VWA8: variants seen among roughly 807,000 people sequenced by gnomAD.
The protein encoded by VWA8 is von Willebrand factor A domain containing 8.
In VWA8, 221 loss-of-function variants were observed where a neutral mutation model predicts 241.5. The ratio of observed to expected loss-of-function variants is 0.91; its 90% CI spans 0.82 to 1.02. The LOEUF (loss-of-function observed/expected upper bound fraction) is 1.02, where lower values mean the gene tolerates loss of function less well. Among genes scored for constraint, VWA8 ranks in the 50% least tolerant of loss-of-function variants. The probability of loss-of-function intolerance (pLI) is 0.00; values close to 1 mark genes in which losing one functional copy is unlikely to be tolerated. For missense variants in VWA8, 2,322 were observed against 2,328.7 expected (o/e 1.00, Z 0.06); for synonymous variants, 852 against 827.1 (o/e 1.03, Z -0.52).
chr13:41,883,731 A>G (rs577175941), intron 8 of VWA8, among the ~76,000 whole-genome samples: 48 of 152,032 alleles, frequency 3.2e-4, no homozygotes, highest in Non-Finnish European at 5.9e-4. Context: ...TGGCTCCCAC[A>G]CTTCTATGTC....
chr13:41,753,078 G>A (rs1207363392), intron 21 of VWA8, among the ~76,000 whole-genome samples: 1 of 152,114 alleles, frequency 6.6e-6, no homozygotes, highest in Non-Finnish European at 1.5e-5. Flanking sequence ...AATAAAGAAG[G>A]CATGCATACA....
chr13:41,866,180 T>G (rs1873292963), intron 10 of VWA8, 144 bp from the exon 11 acceptor site: 3 of 1,055,162 alleles, frequency 2.8e-6, no homozygotes, highest in Non-Finnish European at 4.0e-6. Context: ...AAACCCCATC[T>G]CTACAAAAAT....
intron 21 of VWA8, among the ~76,000 whole-genome samples, chr13:41,739,852 T>G (rs2045554986): frequency 5.1e-5 from 3 of 58,652 alleles, no homozygotes; most frequent in East Asian, 5.1e-4. Flanking sequence ...TTTTTTGTTT[T>G]TTTTGTTTTT....
At chr13:41,956,134 G>A (rs963649270) in intron 1 of VWA8, among the ~76,000 whole-genome samples, 3 of 152,236 alleles carry the variant, frequency 2.0e-5, no homozygotes, top group South Asian at 2.1e-4. Flanking sequence ...GAACATTTTG[G>A]GCCAGATAAT....
chr13:41,573,383 A>C (rs1241920753), intron 43 of VWA8, among the ~76,000 whole-genome samples: 1 of 149,206 alleles, frequency 6.7e-6, no homozygotes, highest in East Asian at 2.0e-4. Flanking sequence ...GTGCCACTGC[A>C]CTCTAGCCTG....
At chr13:41,633,217 G>C (rs773697933) in intron 37 of VWA8, among the ~76,000 whole-genome samples, 5 of 152,178 alleles carry the variant, frequency 3.3e-5, no homozygotes, top group Admixed American at 6.5e-5. Context: ...GCATTGCAAT[G>C]AATCAGTGGT....
At chr13:41,688,621 T>C (rs1261806072) in intron 34 of VWA8, among the ~76,000 whole-genome samples, 1 of 152,128 alleles carries the variant, frequency 6.6e-6, no homozygotes, top group Non-Finnish European at 1.5e-5. Flanking sequence ...TGCAAAGATA[T>C]GATAAATCAG....
At chr13:41,905,983 T>C (rs1875695135) in intron 4 of VWA8, among the ~76,000 whole-genome samples, 1 of 152,038 alleles carries the variant, frequency 6.6e-6, no homozygotes, top group African/African-American at 2.4e-5. Flanking sequence ...ACAAAATGGG[T>C]TCCTTTAAAA....
intron 2 of VWA8, among the ~76,000 whole-genome samples, chr13:41,915,968 T>C (rs1876235272): frequency 6.6e-6 from 1 of 152,180 alleles, no homozygotes; most frequent in Non-Finnish European, 1.5e-5. Flanking sequence ...TCATAACAAT[T>C]CTAGAAAGCA....
Position 41,685,255 on chromosome 13 carries a change from A to C in VWA8, c.4132-13T>G. 1 of 1,607,886 alleles carries C rather than the reference A, an allele frequency of 6.2e-7. No individual in the cohort carries two copies. Among genetic ancestry groups the C allele is most frequent in the Non-Finnish European group, 8.5e-7 (1 of 1,177,656 alleles). ...CTTCACTGGGTGACTGAAAAAAAGAAAGAGATTAAAGTACTGAAGTACCAT... is the reference window on the plus strand; with the variant it reads ...CTTCACTGGGTGACTGAAAAAAAGACAGAGATTAAAGTACTGAAGTACCAT... On this transcript the variant is annotated splice_polypyrimidine_tract_variant and intron_variant, in intron 34 of 44. Coordinates refer to ENST00000379310, the MANE Select transcript of VWA8 (RefSeq NM_015058.2).
chr13:41,954,690 G>A (rs1321812579), intron 1 of VWA8, among the ~76,000 whole-genome samples: 5 of 152,142 alleles, frequency 3.3e-5, no homozygotes, highest in Non-Finnish European at 7.4e-5. Flanking sequence ...AATAGAGATA[G>A]GATATTCTAT....
intron 23 of VWA8, among the ~76,000 whole-genome samples, chr13:41,727,909 G>A (rs2045449860): frequency 6.6e-6 from 1 of 152,110 alleles, no homozygotes; most frequent in Admixed American, 6.5e-5. Context: ...GTGATCTTAA[G>A]TTGACTGGGG....
intron 21 of VWA8, among the ~76,000 whole-genome samples, chr13:41,749,164 A>G (rs2045634124): frequency 6.6e-6 from 1 of 152,224 alleles, no homozygotes; most frequent in Non-Finnish European, 1.5e-5. Context: ...ACAAGAAAAA[A>G]ACAAACAACC....
intron 9 of VWA8, 84 bp downstream of exon 9, chr13:41,883,303 G>T: frequency 9.6e-7 from 1 of 1,042,162 alleles, no homozygotes; most frequent in Non-Finnish European, 1.5e-6. Context: ...AGGAAAGGTG[G>T]GGAAAGGAGT....
intron 35 of VWA8, among the ~76,000 whole-genome samples, chr13:41,677,878 T>C (rs1361739107): frequency 6.6e-6 from 1 of 152,230 alleles, no homozygotes; most frequent in African/African-American, 2.4e-5. Context: ...TTTGAATTTA[T>C]CAAATGTAGT....
intron 12 of VWA8, among the ~76,000 whole-genome samples, chr13:41,849,843 C>T (rs138321422): frequency 0.067 from 10,115 of 151,528 alleles, 463 homozygotes; most frequent in Non-Finnish European, 0.098. Flanking sequence ...GCCAAGATCG[C>T]GCCACTGTAC....
At chr13:41,610,892 G>T (rs973404567) in intron 39 of VWA8, among the ~76,000 whole-genome samples, 1 of 152,094 alleles carries the variant, frequency 6.6e-6, no homozygotes, top group East Asian at 1.9e-4. Context: ...GGGAATGTCC[G>T]AGGGCCACAG....
Position 41,944,557 on chromosome 13 carries a change from C to T in VWA8, c.241+5379G>A, listed in dbSNP as rs147789747. On this transcript the variant is annotated intron_variant, in intron 2 of 44. Coordinates refer to ENST00000379310, the MANE Select transcript of VWA8 (RefSeq NM_015058.2). ...CAAACTCCTGGCCTCAAGCGATCAT[C>T]CCACCTTAGCCTCCCAAAGTGCTAG... 5.5e-3 allele frequency among the ~76,000 whole-genome samples: 833 copies of T among 152,270 alleles called. 4 individuals carry two copies. The highest frequency in any genetic ancestry group is 0.017 in the Middle Eastern group (5 of 294).
At position 41,891,582 on chromosome 13, in the gene VWA8, T is replaced by C. The variant is rs780818919; in HGVS notation, c.489A>G (p.Ala163=). 21 of 1,614,108 alleles carry C rather than the reference T, an allele frequency of 1.3e-5. No individual in the cohort carries two copies. Among genetic ancestry groups the C allele is most frequent in the South Asian group, 2.2e-5 (2 of 91,058 alleles). The change falls in exon 5 of 45, where the codon GCA becomes GCG. Residue 163 remains alanine (A), a synonymous_variant. Coordinates refer to ENST00000379310, the MANE Select transcript of VWA8 (RefSeq NM_015058.2). ...AGTAFYIDQC[A]VRAATEGRTL... is the part of the protein sequence containing the mutation. Reference sequence around the variant, plus strand: ...TTCTGCCTTCTGTGGCTGCACGAACTGCACACTATTTCCAAGAAACGTAAA... The same window carrying C: ...TTCTGCCTTCTGTGGCTGCACGAACCGCACACTATTTCCAAGAAACGTAAA...
Sources: gnomAD v4.1 joint callset for allele counts (sites outside exome capture counted in the v4.1 genomes callset) on GRCh38, gnomAD v4.1.1 for gene constraint, MANE v1.5 for transcripts, NCBI Gene and HGNC (gene_info 2026-07-23, HGNC 2026-07-21) for gene names.